Variants in CAPZB observed in about 807,000 individuals in gnomAD.
CAPZB encodes the protein F-actin-capping protein subunit beta.
Under a neutral mutation model 38.1 loss-of-function variants are expected in CAPZB, and 2 were observed. That is an observed-to-expected ratio of 0.05 (90% CI 0.02 to 0.17). The LOEUF (loss-of-function observed/expected upper bound fraction) is 0.17, where lower values mean the gene tolerates loss of function less well. CAPZB is among the 10% of genes least tolerant of loss of function. The pLI, the probability that CAPZB is intolerant of heterozygous loss-of-function variation, is 1.00. For missense variants in CAPZB, 161 were observed against 334.2 expected, an observed-to-expected ratio of 0.48 and a Z score of 4.04; for synonymous variants, 107 against 127.4, an observed-to-expected ratio of 0.84 and a Z score of 1.08.
At chr1:19,466,702 C>T (rs1160921524) in intron 1 of CAPZB, among the ~76,000 whole-genome samples, 1 of 152,202 alleles carries the variant, frequency 6.6e-6, no homozygotes, top group Admixed American at 6.5e-5. Flanking sequence ...GCTCTTTTCA[C>T]GCCTGCAGCA....
intron 2 of CAPZB, among the ~76,000 whole-genome samples, chr1:19,392,329 T>G (rs978220863): frequency 1.3e-5 from 2 of 151,474 alleles, no homozygotes; most frequent in East Asian, 1.9e-4. Flanking sequence ...CCTCCAAGAC[T>G]GCAGGGAAAA....
chr1:19,436,687 C>G (rs1371631597), intron 1 of CAPZB, among the ~76,000 whole-genome samples: 1 of 152,058 alleles, frequency 6.6e-6, no homozygotes, highest in Non-Finnish European at 1.5e-5. Context: ...GGGACAACTG[C>G]TATACATACA....
chr1:19,430,905 C>T (rs904657560), intron 1 of CAPZB, among the ~76,000 whole-genome samples: 2 of 152,172 alleles, frequency 1.3e-5, no homozygotes, highest in African/African-American at 4.8e-5. Flanking sequence ...GATGGCTCTC[C>T]GCCACGTTTC....
intron 1 of CAPZB, among the ~76,000 whole-genome samples, chr1:19,473,469 T>G (rs949884691): frequency 2.0e-5 from 3 of 151,982 alleles, no homozygotes; most frequent in African/African-American, 7.3e-5. Flanking sequence ...CTTAAAGGAG[T>G]GGCCCAAGAG....
chr1:19,485,157 G>A (rs2094646679), intron 1 of CAPZB, among the ~76,000 whole-genome samples: 1 of 152,208 alleles, frequency 6.6e-6, no homozygotes, highest in Admixed American at 6.5e-5. Flanking sequence ...TCTAGCCTGG[G>A]CTATGGGAGA....
At chr1:19,436,409 G>A (rs2094458299) in intron 1 of CAPZB, among the ~76,000 whole-genome samples, 2 of 152,164 alleles carry the variant, frequency 1.3e-5, no homozygotes, top group Non-Finnish European at 2.9e-5. Context: ...AAACACAAGA[G>A]TAGTGATGCC....
intron 1 of CAPZB, among the ~76,000 whole-genome samples, chr1:19,472,939 G>C (rs2094594767): frequency 6.6e-6 from 1 of 151,896 alleles, no homozygotes; most frequent in Non-Finnish European, 1.5e-5. Context: ...GGATGGTCTG[G>C]ATCTCCTGAC....
intron 1 of CAPZB, among the ~76,000 whole-genome samples, chr1:19,426,079 G>C (rs2094421506): frequency 6.6e-6 from 1 of 152,194 alleles, no homozygotes; most frequent in African/African-American, 2.4e-5. Flanking sequence ...GGAGGAGGTG[G>C]GGAACCATGG....
chr1:19,392,464 G>A (rs900799691), intron 2 of CAPZB, among the ~76,000 whole-genome samples: 1 of 150,344 alleles, frequency 6.7e-6, no homozygotes, highest in African/African-American at 2.5e-5. Context: ...GAGGCAGCAC[G>A]CAGCACCTCC....
intron 6 of CAPZB, among the ~76,000 whole-genome samples, chr1:19,353,610 T>C (rs755670869): frequency 1.3e-5 from 2 of 152,088 alleles, no homozygotes; most frequent in Non-Finnish European, 2.9e-5. Flanking sequence ...CTCTCCTTGA[T>C]GACTGTAACA....
At chr1:19,351,901 GGGAGCCTGTCTCA>G (rs1234131545) in intron 6 of CAPZB, among the ~76,000 whole-genome samples, 7 of 152,174 alleles carry the variant, frequency 4.6e-5, no homozygotes, top group African/African-American at 1.4e-4. Context: ...GATGGTTGTG[GGGAGCCTGTCTCA>G]GGCCAGCTTT....
At chr1:19,393,763 G>C (rs2094250977) in intron 2 of CAPZB, among the ~76,000 whole-genome samples, 1 of 152,258 alleles carries the variant, frequency 6.6e-6, no homozygotes, top group African/African-American at 2.4e-5. Context: ...AAGGGCTGCA[G>C]GGCTGGGCTC....
chr1:19,458,028 G>T (rs1283621572), intron 1 of CAPZB, among the ~76,000 whole-genome samples: 1 of 143,618 alleles, frequency 7.0e-6, no homozygotes, highest in East Asian at 2.1e-4. Flanking sequence ...AAAGGAAGAT[G>T]AATAATTATA....
At chr1:19,462,500 A>C (rs114312032) in intron 1 of CAPZB, among the ~76,000 whole-genome samples, 1,972 of 152,254 alleles carry the variant, frequency 0.013, 41 homozygotes, top group African/African-American at 0.044. Flanking sequence ...ATCTGGTCCA[A>C]ACCCTCAATA....
At chr1:19,385,165 T>C (rs1000439921) in intron 3 of CAPZB, among the ~76,000 whole-genome samples, 6 of 152,128 alleles carry the variant, frequency 3.9e-5, no homozygotes, top group African/African-American at 1.4e-4. Context: ...TCCGCAGGAC[T>C]GAATGCAATT....
At chr1:19,399,493 A>C (rs1444841044) in intron 2 of CAPZB, among the ~76,000 whole-genome samples, 1 of 152,196 alleles carries the variant, frequency 6.6e-6, no homozygotes, top group Non-Finnish European at 1.5e-5. Context: ...CTTTTCCTAC[A>C]TCAAAATAAA....
chr1:19,413,238 A>C (rs557560951), intron 2 of CAPZB, among the ~76,000 whole-genome samples: 7 of 152,372 alleles, frequency 4.6e-5, no homozygotes, highest in African/African-American at 1.2e-4. Flanking sequence ...ACTTCTTCCC[A>C]GAATTAAACA....
At chr1:19,473,013 G>C (rs756489349) in intron 1 of CAPZB, among the ~76,000 whole-genome samples, 2 of 151,966 alleles carry the variant, frequency 1.3e-5, no homozygotes, top group Non-Finnish European at 2.9e-5. Context: ...CACAGTGCCC[G>C]GCCCATTCTT....
At chr1:19,440,685 C>G (rs1345969283) in intron 1 of CAPZB, among the ~76,000 whole-genome samples, 1 of 152,172 alleles carries the variant, frequency 6.6e-6, no homozygotes, top group African/African-American at 2.4e-5. Flanking sequence ...TCTGGATAGG[C>G]ATCCGTGCAC....
Sources: allele counts gnomAD v4.1 joint callset (sites outside exome capture counted in the v4.1 genomes callset), GRCh38; gene constraint gnomAD v4.1.1; transcripts MANE v1.5; gene names NCBI Gene and HGNC (gene_info 2026-07-23, HGNC 2026-07-21).